CORIN: variants seen among roughly 807,000 people sequenced by gnomAD.
The protein encoded by CORIN is corin, serine peptidase.
In CORIN, 117 loss-of-function variants were observed where a neutral mutation model predicts 125.3. The observed-to-expected ratio is 0.93, with a 90% confidence interval of 0.80 to 1.09. The LOEUF is 1.09. Ranked by LOEUF, CORIN falls within the 50% of genes least tolerant of loss-of-function variation. The probability of loss-of-function intolerance (pLI) is 0.00; values close to 1 mark genes in which losing one functional copy is unlikely to be tolerated. For synonymous variants in CORIN, 450 were observed against 466.4 expected (o/e 0.96, Z 0.45); for missense variants, 1,253 against 1,306.7 (o/e 0.96, Z 0.63).
At chr4:47,748,771 T>G (rs770600483) in intron 4 of CORIN, among the ~76,000 whole-genome samples, 10 of 152,334 alleles carry the variant, frequency 6.6e-5, no homozygotes, top group Non-Finnish European at 1.5e-4. Flanking sequence ...CAGGCTTATA[T>G]GGTTAATGGA....
intron 3 of CORIN, among the ~76,000 whole-genome samples, chr4:47,786,305 C>T (rs149354919): frequency 1.9e-4 from 29 of 151,958 alleles, no homozygotes; most frequent in African/African-American, 6.8e-4. Context: ...GAGGCCGAGG[C>T]GGGCGGATCA....
intron 16 of CORIN, among the ~76,000 whole-genome samples, chr4:47,627,361 A>T (rs1230591489): frequency 2.0e-5 from 3 of 152,178 alleles, no homozygotes; most frequent in Non-Finnish European, 4.4e-5. Context: ...CATACTTTTA[A>T]AAAGGCAAGG....
chr4:47,642,116 T>G, intron 15 of CORIN, 67 bp from the exon 16 acceptor site: 2 of 1,517,206 alleles, frequency 1.3e-6, no homozygotes, highest in South Asian at 1.1e-5. Context: ...CACATAACTT[T>G]ACATGCCTCT....
Position 47,665,166 on chromosome 4 carries a change from T to C in CORIN, c.1455A>G (p.Ala485=), listed in dbSNP as rs186089355. ...NYFGHRTQKE[A]SISWESSLFP... is the part of the protein sequence containing the mutation. ...AAAGAGAAGACTCCCAGCTGATGGA[T>C]GCTTCCTTTTGAGTCCTGTGGCCAA... is the stretch of plus-strand genomic sequence containing the variant. The change falls in exon 11 of 22, where the codon GCA becomes GCG. Residue 485 remains alanine, a synonymous_variant. Coordinates refer to ENST00000273857, the MANE Select transcript of CORIN (RefSeq NM_006587.4). The C allele has an allele frequency of 2.2e-5, 36 of 1,613,958 alleles. No homozygotes were observed. In the African/African-American group the frequency reaches 3.7e-4, roughly 17 times the overall value.
At chr4:47,700,965 A>G (rs1279279204) in intron 5 of CORIN, among the ~76,000 whole-genome samples, 1 of 152,106 alleles carries the variant, frequency 6.6e-6, no homozygotes, top group Non-Finnish European at 1.5e-5. Context: ...TTCTTAGTAG[A>G]TGGTGCTATT....
intron 6 of CORIN, among the ~76,000 whole-genome samples, chr4:47,691,914 A>G (rs902368801): frequency 6.6e-6 from 1 of 152,240 alleles, no homozygotes; most frequent in African/African-American, 2.4e-5. Context: ...CAAACAGACC[A>G]GAAGAATTTT....
chr4:47,697,748 A>C (rs1169328746), intron 5 of CORIN, among the ~76,000 whole-genome samples: 2 of 151,986 alleles, frequency 1.3e-5, no homozygotes, highest in Non-Finnish European at 2.9e-5. Flanking sequence ...ATGAAAATAA[A>C]AAATAAGAGG....
At chr4:47,659,576 G>A (rs900560104) in intron 12 of CORIN, among the ~76,000 whole-genome samples, 4 of 152,134 alleles carry the variant, frequency 2.6e-5, no homozygotes, top group African/African-American at 9.7e-5. Context: ...GAGAGTAGGG[G>A]AAGAGATGCT....
At chr4:47,631,100 T>C (rs6447571) in intron 16 of CORIN, among the ~76,000 whole-genome samples, 21,041 of 152,164 alleles carry the variant, frequency 0.14, 1,959 homozygotes, top group East Asian at 0.47. Context: ...TTAATTGCTA[T>C]GTAGAGTGAT....
In CORIN at chr4:47,753,962, G is replaced by A. The variant is rs191460780; in HGVS notation, c.618-9379C>T. 1.1e-4 allele frequency among the ~76,000 whole-genome samples: 17 copies of A among 152,178 alleles called. No homozygotes were observed. The East Asian group carries it at 1.2e-3, about 10-fold the overall frequency. On this transcript the variant is annotated intron_variant, in intron 4 of 21. Coordinates refer to ENST00000273857, the MANE Select transcript of CORIN (RefSeq NM_006587.4). ...TTCACAATTTATGTTTCTCTGCCAC[G>A]GCTCCAGCTGGTCCCTCCATTCAGG... is the stretch of plus-strand genomic sequence containing the variant.
At chr4:47,597,277 A>G (rs552092346) in intron 21 of CORIN, among the ~76,000 whole-genome samples, 2 of 150,870 alleles carry the variant, frequency 1.3e-5, no homozygotes, top group South Asian at 4.2e-4. Flanking sequence ...CCTTGAACCC[A>G]GGAGTTGGAG....
chr4:47,801,832 G>C (rs1731558141), intron 2 of CORIN, among the ~76,000 whole-genome samples: 1 of 152,232 alleles, frequency 6.6e-6, no homozygotes, highest in Admixed American at 6.5e-5. Context: ...AGGCCACAAG[G>C]ACTGCAATTC....
At chr4:47,811,348 G>A (rs1020993979) in intron 1 of CORIN, among the ~76,000 whole-genome samples, 4 of 152,148 alleles carry the variant, frequency 2.6e-5, no homozygotes, top group African/African-American at 9.7e-5. Context: ...GGTGTACGAG[G>A]TTTTGAGTCC....
At chr4:47,742,238 C>G (rs1183821811) in intron 5 of CORIN, among the ~76,000 whole-genome samples, 1 of 151,840 alleles carries the variant, frequency 6.6e-6, no homozygotes, top group African/African-American at 2.4e-5. Flanking sequence ...CAAGAGTATC[C>G]TAAAAACCCT....
At chr4:47,658,412 G>A (rs1461548070) in intron 12 of CORIN, among the ~76,000 whole-genome samples, 1 of 152,250 alleles carries the variant, frequency 6.6e-6, no homozygotes, top group Non-Finnish European at 1.5e-5. Flanking sequence ...CAGGCAAAGG[G>A]TGCAAGCTGC....
rs568031235 is a variant in CORIN, at chr4:47,595,394, T to C, written c.*327A>G. The C allele has an allele frequency of 1.1e-5, 2 of 182,440 alleles. No individual in the cohort carries two copies. The highest frequency in any genetic ancestry group is 2.3e-5 in the Non-Finnish European group (2 of 87,506). 11.3% of individuals were successfully genotyped at this position (182,440 alleles called of 1,614,324 possible). ...TGATAGGATAAAAGAGACCATTCCA[T>C]AACCTGTTACTGTAGCACCTGATTT... On this transcript the variant is annotated 3_prime_UTR_variant, in exon 22 of 22. Transcript: ENST00000273857.
chr4:47,682,746 CAAAATAAAATA>C (rs1279908305), intron 7 of CORIN: 1 of 151,916 alleles, frequency 6.6e-6, no homozygotes. Context: ...TATTATTAGT[CAAAATAAAATA>C]AAAATAAACT....
At chr4:47,612,994 T>G in intron 19 of CORIN, among the ~76,000 whole-genome samples, 1 of 152,328 alleles carries the variant, frequency 6.6e-6, no homozygotes, top group Non-Finnish European at 1.5e-5. Flanking sequence ...AGTTTCAGAA[T>G]GTTTCAGGGG....
intron 3 of CORIN, among the ~76,000 whole-genome samples, chr4:47,778,653 C>T (rs1730400358): frequency 6.6e-6 from 1 of 152,196 alleles, no homozygotes; most frequent in South Asian, 2.1e-4. Flanking sequence ...TTAAATGTTG[C>T]ACTCATTCTT....
Sources: allele counts gnomAD v4.1 joint callset (sites outside exome capture counted in the v4.1 genomes callset), GRCh38; gene constraint gnomAD v4.1.1; transcripts MANE v1.5; gene names NCBI Gene and HGNC (gene_info 2026-07-23, HGNC 2026-07-21).